SYNE1: variants seen among roughly 807,000 people sequenced by gnomAD.
SYNE1 encodes spectrin repeat containing nuclear envelope protein 1.
In SYNE1, 616 loss-of-function variants were observed where a neutral mutation model predicts 1,111.0. The observed-to-expected ratio is 0.55, with a 90% CI of 0.52 to 0.59. SYNE1 has a LOEUF of 0.59. Ranked by LOEUF, SYNE1 falls within the 20% of genes least tolerant of loss-of-function variation. The pLI, the probability that SYNE1 is intolerant of heterozygous loss-of-function variation, is 0.00. For missense variants in SYNE1, 10,006 were observed against 10,417.0 expected, an observed-to-expected ratio of 0.96 and a Z score of 1.72; for synonymous variants, 3,855 against 3,825.8, an observed-to-expected ratio of 1.01 and a Z score of -0.28.
chr6:152,473,005 A>G (rs1366610426), intron 14 of SYNE1, among the ~76,000 whole-genome samples: 1 of 152,212 alleles, frequency 6.6e-6, no homozygotes, highest in East Asian at 1.9e-4. Flanking sequence ...TGTGATGTTA[A>G]TAAATATTAA....
rs763615170 is a variant in SYNE1 at position 152,396,853 on chromosome 6, T to C, written c.7478A>G (p.Asn2493Ser). ...SSIQEQITKA[N>S]EEFQAFLKQC... The stretch of plus-strand genomic sequence containing the variant: ...TTTCAGAAATGCTTGAAACTCTTCA[T>C]TGGCCTTTGTGATTTGTTCTTGAAT... The change falls in exon 50 of 146, where the codon AAT (asparagine) becomes AGT (serine). Residue 2493 changes from asparagine (N) to serine (S), a missense_variant. Transcript: ENST00000367255. The C allele has an allele frequency of 9.9e-6, 16 of 1,614,102 alleles. No individual in the cohort carries two copies. Among genetic ancestry groups the C allele is most frequent in the African/African-American group, 6.7e-5 (5 of 74,954 alleles).
intron 100 of SYNE1, among the ~76,000 whole-genome samples, chr6:152,265,535 G>A (rs993335434): frequency 1.3e-4 from 19 of 151,840 alleles, no homozygotes; most frequent in African/African-American, 4.6e-4. Flanking sequence ...TTTTTCTTTT[G>A]TGGTAATAGC....
At chr6:152,299,698 T>TC in intron 93 of SYNE1, among the ~76,000 whole-genome samples, 1 of 151,920 alleles carries the variant, frequency 6.6e-6, no homozygotes, top group East Asian at 1.9e-4. Context: ...TTTTTTTTTT[T>TC]AATGAGGGGG....
rs2098160035 is a variant in SYNE1, at chr6:152,416,664, T to C, written c.5773A>G (p.Ser1925Gly). 1.9e-6 allele frequency: 3 copies of C among 1,614,122 alleles called. No individual in the cohort carries two copies. The highest frequency in any genetic ancestry group is 2.5e-6 in the Non-Finnish European group (3 of 1,180,038). Reference sequence around the variant, plus strand: ...GCTTTGGAAAGAATGCCATCCAGACTGACGGCAGCAGATTCTAATGCTTTA... The same window carrying C: ...GCTTTGGAAAGAATGCCATCCAGACCGACGGCAGCAGATTCTAATGCTTTA... ...NAKALESAAV[S>G]LDGILSKAQY... is the part of the protein sequence containing the mutation. Residue 1925 changes from serine (S) to glycine (G), a missense_variant, in exon 41 of 146, where the codon AGT becomes GGT. This residue lies in a region of SYNE1 where 4,955 missense variants were observed against 5,017.2 expected (regional missense o/e 0.99). Coordinates refer to ENST00000367255, the MANE Select transcript of SYNE1 (RefSeq NM_182961.4).
chr6:152,462,768 C>T lies in SYNE1; in HGVS notation c.2220G>A (p.Met740Ile), dbSNP rs146001055. ...KLSEPLEVSF[M>I]NVKLLIQDLE... Reference sequence around the variant, plus strand: ...AGTCTTGAATTAATAGCTTGACATTCATAAAAGAGACTTCTAAGGGTTCAG... The same window carrying T: ...AGTCTTGAATTAATAGCTTGACATTTATAAAAGAGACTTCTAAGGGTTCAG... Residue 740 changes from methionine to isoleucine, a missense_variant, in exon 20 of 146, where the codon ATG becomes ATA. Coordinates refer to ENST00000367255, the MANE Select transcript of SYNE1 (RefSeq NM_182961.4). 6.7e-4 allele frequency: 1,083 copies of T among 1,613,996 alleles called. 9 individuals carry two copies. In the African/African-American group the frequency reaches 0.013, roughly 19 times the overall value.
intron 75 of SYNE1, among the ~76,000 whole-genome samples, chr6:152,338,104 C>T (rs562734138): frequency 6.8e-4 from 104 of 152,052 alleles, no homozygotes; most frequent in South Asian, 2.5e-3. Flanking sequence ...GCCAAAATTG[C>T]GCCACTGTGC....
chr6:152,493,344 G>C (rs185386062), intron 11 of SYNE1, among the ~76,000 whole-genome samples: 153 of 152,120 alleles, frequency 1.0e-3, no homozygotes, highest in African/African-American at 3.4e-3. Flanking sequence ...CCCTTATTCT[G>C]TTCTGGATTT....
chr6:152,421,644 T>C (rs755665247), intron 39 of SYNE1, among the ~76,000 whole-genome samples: 34 of 151,834 alleles, frequency 2.2e-4, no homozygotes, highest in Non-Finnish European at 3.7e-4. Context: ...AACTAAGGTT[T>C]TCCAAATCTT....
intron 127 of SYNE1, 132 bp downstream of exon 127, chr6:152,201,692 C>T: frequency 7.4e-7 from 1 of 1,349,820 alleles, no homozygotes; most frequent in Non-Finnish European, 1.1e-6. Flanking sequence ...CCTGAGTTGC[C>T]TGTCCTTATG....
In SYNE1 at chr6:152,269,689, C is replaced by G. The variant is rs771363323; in HGVS notation, c.18574-403G>C. Among the ~76,000 whole-genome samples the G allele has an allele frequency of 4.3e-4, 66 of 152,230 alleles. No individual in the cohort carries two copies. The Middle Eastern group carries it at 0.014, about 31-fold the overall frequency. On this transcript the variant is annotated intron_variant, in intron 98 of 145. Coordinates refer to ENST00000367255, the MANE Select transcript of SYNE1 (RefSeq NM_182961.4). ...TTACCCACAATAATTGTGTCTCTCCCGTGAAAGCATTACCCTGCCTTATGT... is the reference window on the plus strand; with the variant it reads ...TTACCCACAATAATTGTGTCTCTCCGGTGAAAGCATTACCCTGCCTTATGT...
chr6:152,479,039 A>G (rs1244027992), intron 14 of SYNE1, among the ~76,000 whole-genome samples: 1 of 152,148 alleles, frequency 6.6e-6, no homozygotes, highest in Non-Finnish European at 1.5e-5. Context: ...AGGGTAACAG[A>G]TTATAGGGCA....
intron 105 of SYNE1, among the ~76,000 whole-genome samples, chr6:152,247,728 TA>T (rs1322468146): frequency 2.9e-3 from 195 of 67,972 alleles, no homozygotes; most frequent in African/African-American, 0.014. Flanking sequence ...TATTTTTTAT[TA>T]TATATATATA....
intron 115 of SYNE1, among the ~76,000 whole-genome samples, chr6:152,228,501 G>T (rs9478305): frequency 0.12 from 18,934 of 151,780 alleles, 1,407 homozygotes; most frequent in East Asian, 0.21. Flanking sequence ...GAAAATGGCA[G>T]AAAAAGCTAT....
intron 1 of SYNE1, 34 bp from the exon 2 acceptor site, chr6:152,636,839 C>T: frequency 6.6e-6 from 1 of 152,522 alleles, no homozygotes. Context: ...CAGCCCGCTG[C>T]GGCCGGCGGC....
intron 56 of SYNE1, among the ~76,000 whole-genome samples, chr6:152,380,748 T>C (rs1449071069): frequency 6.6e-6 from 1 of 152,182 alleles, no homozygotes; most frequent in African/African-American, 2.4e-5. Context: ...TCTTACACCA[T>C]AGGAATGAAA....
chr6:152,228,200 T>C (rs768806979), intron 115 of SYNE1, among the ~76,000 whole-genome samples: 17 of 152,302 alleles, frequency 1.1e-4, no homozygotes, highest in African/African-American at 2.2e-4. Flanking sequence ...AGTTAGGCCA[T>C]TGTGATTTAT....
intron 95 of SYNE1, among the ~76,000 whole-genome samples, chr6:152,291,526 GA>G (rs958157588): frequency 4.6e-5 from 7 of 152,134 alleles, no homozygotes. Flanking sequence ...CCCTTGAACA[GA>G]ATCATCATTT....
chr6:152,210,612 T>C (rs1370670140), intron 124 of SYNE1, among the ~76,000 whole-genome samples: 10 of 152,174 alleles, frequency 6.6e-5, no homozygotes, highest in Admixed American at 6.5e-4. Flanking sequence ...AAATAATTTA[T>C]TTTTTATTTT....
chr6:152,531,652 A>G (rs994350582), intron 4 of SYNE1, among the ~76,000 whole-genome samples: 2 of 152,172 alleles, frequency 1.3e-5, no homozygotes, highest in African/African-American at 4.8e-5. Context: ...ACAACTAGCC[A>G]TTCCCTCTGC....
Sources: gnomAD v4.1 joint callset for allele counts (sites outside exome capture counted in the v4.1 genomes callset) on GRCh38, gnomAD v4.1.1 for gene constraint, gnomAD v4.1.1 regional missense constraint, MANE v1.5 for transcripts, NCBI Gene and HGNC (gene_info 2026-07-23, HGNC 2026-07-21) for gene names.